The following MEGF11 variants were observed in gnomAD, a reference collection of about 807,000 sequenced individuals.
MEGF11 encodes the protein multiple epidermal growth factor-like domains protein 11.
A neutral mutation model predicts 146.6 loss-of-function variants in MEGF11; 126 were observed. The ratio of observed to expected loss-of-function variants is 0.86; its 90% CI spans 0.74 to 1.00. The LOEUF (loss-of-function observed/expected upper bound fraction) is 1.00, where lower values mean the gene tolerates loss of function less well. Among genes scored for constraint, MEGF11 ranks in the 50% least tolerant of loss-of-function variants. MEGF11 has a pLI of 0.00. For synonymous variants in MEGF11, 532 were observed against 583.4 expected (o/e 0.91, Z 1.27); for missense variants, 1,509 against 1,521.2 (o/e 0.99, Z 0.13).
At chr15:66,175,058 A>T (rs2090357123) in intron 1 of MEGF11, among the ~76,000 whole-genome samples, 2 of 152,148 alleles carry the variant, frequency 1.3e-5, no homozygotes, top group South Asian at 4.1e-4. Flanking sequence ...GTATCCTGCC[A>T]ATTTACTGAA....
intron 10 of MEGF11, among the ~76,000 whole-genome samples, chr15:65,946,322 T>A (rs575465451): frequency 4.3e-4 from 66 of 152,336 alleles, no homozygotes; most frequent in African/African-American, 1.5e-3. Context: ...AAGGCTGAGA[T>A]GCAAACTCAG....
chr15:66,059,945 G>A (rs2084834490), intron 5 of MEGF11, among the ~76,000 whole-genome samples: 1 of 152,196 alleles, frequency 6.6e-6, no homozygotes, highest in Non-Finnish European at 1.5e-5. Context: ...GGAAGGTTGG[G>A]CAGCACAGAA....
chr15:66,157,747 T>C (rs961435739), intron 1 of MEGF11, among the ~76,000 whole-genome samples: 3 of 152,222 alleles, frequency 2.0e-5, no homozygotes, highest in African/African-American at 7.2e-5. Context: ...TAGTTGTCTA[T>C]GACAAAGCTG....
intron 5 of MEGF11, among the ~76,000 whole-genome samples, chr15:66,059,401 G>A (rs562670007): frequency 1.5e-4 from 23 of 152,274 alleles, no homozygotes; most frequent in South Asian, 4.1e-4. Context: ...GTCCTCATTC[G>A]GCTAATTGGG....
chr15:66,119,534 C>T (rs761336093), intron 3 of MEGF11, among the ~76,000 whole-genome samples: 18 of 152,154 alleles, frequency 1.2e-4, no homozygotes, highest in African/African-American at 1.9e-4. Context: ...GAAGAGCCCA[C>T]GGGGTGACCT....
Position 66,035,407 on chromosome 15 carries a change from A to G in MEGF11, c.395-52919T>C, listed in dbSNP as rs2140262737. ...TGTACATTCAACCTTTATTTCCCCA[A>G]AGTGATTTTGCTTGACATGGGCTGA... On this transcript the variant is annotated intron_variant, in intron 5 of 25. Coordinates refer to ENST00000395614, the MANE Select transcript of MEGF11 (RefSeq NM_001385028.1). 2.0e-5 allele frequency among the ~76,000 whole-genome samples: 3 copies of G among 152,122 alleles called. No homozygotes were observed. The Middle Eastern group carries it at 0.01, about 517-fold the overall frequency.
intron 8 of MEGF11, chr15:65,965,348 A>G (rs938143163): frequency 2.3e-5 from 11 of 477,038 alleles, no homozygotes; most frequent in South Asian, 4.4e-5. Flanking sequence ...CCCCCCAGCA[A>G]TGAGTTTGTA....
intron 1 of MEGF11, among the ~76,000 whole-genome samples, chr15:66,213,581 CTTT>C (rs10572080): frequency 2.1e-5 from 3 of 142,698 alleles, no homozygotes; most frequent in Non-Finnish European, 3.1e-5. Context: ...CATCCAGAAA[CTTT>C]TTTTTTTTTT....
chr15:66,224,698 AT>A (rs1161569044), intron 1 of MEGF11, among the ~76,000 whole-genome samples: 1 of 146,734 alleles, frequency 6.8e-6, no homozygotes, highest in Non-Finnish European at 1.5e-5. Flanking sequence ...AAGTATATAT[AT>A]TTTATATATA....
chr15:66,007,259 A>G (rs939843873), intron 5 of MEGF11, among the ~76,000 whole-genome samples: 2 of 152,238 alleles, frequency 1.3e-5, no homozygotes, highest in African/African-American at 2.4e-5. Flanking sequence ...GTTTAGCCTT[A>G]AGCAACAGCC....
chr15:66,197,281 T>C (rs4776760), intron 1 of MEGF11, among the ~76,000 whole-genome samples: 23,315 of 152,104 alleles, frequency 0.15, 2,466 homozygotes, highest in East Asian at 0.46. Flanking sequence ...GATCTCTGAT[T>C]CATCAGAGTC....
chr15:65,977,521 C>G (rs2081494141), intron 7 of MEGF11, among the ~76,000 whole-genome samples: 1 of 149,996 alleles, frequency 6.7e-6, no homozygotes, highest in Non-Finnish European at 1.5e-5. Flanking sequence ...GCTCTGTCAC[C>G]CAGGTTGGAG....
At chr15:66,097,818 G>A (rs1389305950) in intron 4 of MEGF11, among the ~76,000 whole-genome samples, 2 of 151,590 alleles carry the variant, frequency 1.3e-5, no homozygotes, top group African/African-American at 2.4e-5. Flanking sequence ...GAGCCAAGCC[G>A]AGGTTTGCAC....
intron 1 of MEGF11, among the ~76,000 whole-genome samples, chr15:66,136,055 G>A (rs1025227371): frequency 6.6e-6 from 1 of 152,162 alleles, no homozygotes; most frequent in Non-Finnish European, 1.5e-5. Context: ...TCTCCCAGCT[G>A]CAGGGAGATA....
intron 1 of MEGF11, among the ~76,000 whole-genome samples, chr15:66,166,708 C>A (rs896752632): frequency 6.6e-6 from 1 of 151,770 alleles, no homozygotes; most frequent in African/African-American, 2.4e-5. Flanking sequence ...GCTTGGAAAG[C>A]TCTCTTCCCA....
At chr15:66,066,086 G>C (rs2085112502) in intron 5 of MEGF11, among the ~76,000 whole-genome samples, 1 of 152,206 alleles carries the variant, frequency 6.6e-6, no homozygotes, top group Admixed American at 6.5e-5. Context: ...TTGAAGGAAA[G>C]GCATTGGATA....
At chr15:66,185,679 G>A (rs10851751) in intron 1 of MEGF11, among the ~76,000 whole-genome samples, 73,422 of 152,024 alleles carry the variant, frequency 0.48, 18,131 homozygotes, top group East Asian at 0.63. Context: ...TAGGGGAGGT[G>A]TCAGGCAGCA....
chr15:66,151,315 A>T (rs2089564892), intron 1 of MEGF11, among the ~76,000 whole-genome samples: 1 of 152,028 alleles, frequency 6.6e-6, no homozygotes, highest in African/African-American at 2.4e-5. Flanking sequence ...GCACACACAA[A>T]CGATCCCTGC....
intron 1 of MEGF11, among the ~76,000 whole-genome samples, chr15:66,249,789 C>G (rs1179031481): frequency 2.0e-5 from 3 of 152,236 alleles, no homozygotes; most frequent in African/African-American, 4.8e-5. Context: ...GCTGGACCTA[C>G]TCCAGACCCA....
Sources: gnomAD v4.1 joint callset for allele counts (sites outside exome capture counted in the v4.1 genomes callset) on GRCh38, gnomAD v4.1.1 for gene constraint, MANE v1.5 for transcripts, NCBI Gene and HGNC (gene_info 2026-07-23, HGNC 2026-07-21) for gene names.